The following PRDM1 variants were observed in gnomAD, a reference collection of about 807,000 sequenced individuals.
PRDM1 encodes PR domain zinc finger protein 1.
In PRDM1, 13 loss-of-function variants were observed where a neutral mutation model predicts 62.8. The observed-to-expected ratio is 0.21, with a 90% confidence interval of 0.13 to 0.33. The LOEUF (loss-of-function observed/expected upper bound fraction) is 0.33, where lower values mean the gene tolerates loss of function less well. Among genes scored for constraint, PRDM1 ranks in the 10% least tolerant of loss-of-function variants. The pLI is 1.00. For synonymous variants in PRDM1, 396 were observed against 417.6 expected (o/e 0.95, Z 0.63); for missense variants, 895 against 1,058.8 (o/e 0.85, Z 2.15).
upstream of PRDM1, among the ~76,000 whole-genome samples, chr6:106,046,990 T>G (rs985021506): frequency 2.0e-5 from 3 of 152,238 alleles, no homozygotes. Context: ...TCTTTATCAC[T>G]TCTTTACTGA....
intron 1 of PRDM1, among the ~76,000 whole-genome samples, chr6:105,998,921 ATATATATATATATTTTTTTTT>A (rs1562141240): frequency 7.2e-4 from 2 of 2,778 alleles, no homozygotes; most frequent in African/African-American, 2.0e-3. Context: ...ATATATATAT[ATATATATATATATTTTTTTTT>A]TTTTTTTTCT....
upstream of PRDM1, among the ~76,000 whole-genome samples, chr6:106,044,035 C>T (rs567606424): frequency 3.3e-5 from 5 of 152,248 alleles, no homozygotes; most frequent in African/African-American, 1.2e-4. Flanking sequence ...TGCCCTACCT[C>T]CTTAACCCCA....
intron 3 of PRDM1, 24 bp from the exon 4 acceptor site, chr6:106,099,276 A>G: frequency 6.2e-7 from 1 of 1,612,808 alleles, no homozygotes; most frequent in Non-Finnish European, 8.5e-7. Flanking sequence ...TTCCTTTTAC[A>G]TGCCTGTCTT....
intron 1 of PRDM1, among the ~76,000 whole-genome samples, chr6:106,040,254 A>G (rs1171433554): frequency 6.6e-6 from 1 of 152,226 alleles, no homozygotes; most frequent in African/African-American, 2.4e-5. Flanking sequence ...CTGATTTCCT[A>G]AGATGGCTGA....
chr6:106,034,806 A>G (rs528603895), intron 1 of PRDM1, among the ~76,000 whole-genome samples: 2 of 151,722 alleles, frequency 1.3e-5, no homozygotes, highest in East Asian at 1.9e-4. Flanking sequence ...TAGTTTTTGT[A>G]TTTTTAGTAG....
At chr6:106,092,186 C>T (rs559349643) in intron 2 of PRDM1, among the ~76,000 whole-genome samples, 6 of 150,122 alleles carry the variant, frequency 4.0e-5, no homozygotes, top group Admixed American at 1.3e-4. Context: ...TTCCATTAAG[C>T]GCTCCAACTC....
chr6:106,103,636 C>A (rs1774340323), intron 4 of PRDM1, among the ~76,000 whole-genome samples: 2 of 152,114 alleles, frequency 1.3e-5, no homozygotes, highest in Admixed American at 1.3e-4. Flanking sequence ...GGTGTTTTTT[C>A]CTGAAGGCAT....
In PRDM1 at chr6:106,060,752, T is replaced by G. The variant is rs545768628; in HGVS notation, c.-67+12038T>G. The stretch of plus-strand genomic sequence containing the variant: ...AGGAGGAGGTTAGAGACAGAGGCTT[T>G]GGAGGACATGTGCTTCATGGCATGA... On this transcript the variant is annotated intron_variant, in intron 1 of 6. Transcript: ENST00000651185. Among the ~76,000 whole-genome samples the G allele has an allele frequency of 4.2e-3, 646 of 152,116 alleles. 5 individuals are homozygous for G. Among genetic ancestry groups the G allele is most frequent in the Non-Finnish European group, 7.8e-3 (531 of 67,992 alleles).
rs1344140600 is a variant in PRDM1 at position 106,086,456 on chromosome 6, C to CGA, written c.-96_-95dup. 1.0e-5 allele frequency: 13 copies of CGA among 1,262,252 alleles called. No homozygotes were observed. Among genetic ancestry groups the CGA allele is most frequent in the Non-Finnish European group, 1.2e-5 (11 of 902,482 alleles). 78.2% of individuals were successfully genotyped at this position (1,262,252 alleles called of 1,614,324 possible). ...CGGGCGCCCGGGCGGCCGGACGAAG[C>CGA]GAGGAGGGACCGCCGAGGTGCGCGT... On this transcript the variant is annotated 5_prime_UTR_variant, in exon 1 of 7. Coordinates refer to ENST00000369096, the MANE Select transcript of PRDM1 (RefSeq NM_001198.4).
At chr6:106,032,486 A>G (rs1347863063) in intron 1 of PRDM1, among the ~76,000 whole-genome samples, 1 of 152,124 alleles carries the variant, frequency 6.6e-6, no homozygotes, top group African/African-American at 2.4e-5. Context: ...TCACCAGGCT[A>G]GAGTGCAGTG....
chr6:106,092,299 T>TGTAACTGA (rs1773987114), intron 2 of PRDM1, among the ~76,000 whole-genome samples: 1 of 152,202 alleles, frequency 6.6e-6, no homozygotes, highest in Non-Finnish European at 1.5e-5. Context: ...GGGTGTGTTC[T>TGTAACTGA]GTAACTGAGG....
intron 1 of PRDM1, among the ~76,000 whole-genome samples, chr6:106,063,775 T>G (rs996323497): frequency 1.3e-5 from 2 of 152,182 alleles, no homozygotes; most frequent in Non-Finnish European, 2.9e-5. Context: ...AAGAAGCTTT[T>G]GCAATGTTAT....
chr6:106,047,637 T>C (rs576591425), upstream of PRDM1, among the ~76,000 whole-genome samples: 1 of 152,336 alleles, frequency 6.6e-6, no homozygotes, highest in South Asian at 2.1e-4. Flanking sequence ...CTTATCACAT[T>C]TTGCTACCAT....
At chr6:106,102,808 GT>G (rs1469705034) in intron 4 of PRDM1, among the ~76,000 whole-genome samples, 22 of 152,182 alleles carry the variant, frequency 1.4e-4, no homozygotes, top group African/African-American at 5.3e-4. Context: ...TGAGGGTAAA[GT>G]TTTTTGTATT....
Position 106,108,658 on chromosome 6 carries a change from T to C in PRDM1, c.*1172T>C, listed in dbSNP as rs956946042. 5 of 233,544 alleles carry C rather than the reference T, an allele frequency of 2.1e-5. No individual in the cohort carries two copies. Among genetic ancestry groups the C allele is most frequent in the Non-Finnish European group, 3.4e-5 (4 of 117,980 alleles). The allele number at this position is 233,544 out of a possible 1,614,324, so 14.5% of individuals were successfully genotyped here. On this transcript the variant is annotated 3_prime_UTR_variant, in exon 7 of 7. Transcript: ENST00000369096. ...ACAAAAAACGGGTATTCTAGTCATC[T>C]TGGGGTAAAAGCGGGTAATGAACAT... is the stretch of plus-strand genomic sequence containing the variant.
In PRDM1 at chr6:106,106,608, T is replaced by C. The variant is rs1054496655; in HGVS notation, c.1902+109T>C. On this transcript the variant is annotated intron_variant, in intron 6 of 6. Coordinates refer to ENST00000369096, the MANE Select transcript of PRDM1 (RefSeq NM_001198.4). This position sits in a 1 kb window ranked among gnomAD's most constrained non-coding sequence, Gnocchi z 4.4. ...GTTAAAGCCAACACCAGATTCTGCG[T>C]TGTCCCATCCTGGACTGATGGCACT... The C allele has an allele frequency of 2.5e-5, 37 of 1,467,796 alleles. No homozygotes were observed. The highest frequency in any genetic ancestry group is 1.8e-4 in the Middle Eastern group (1 of 5,712). The allele number at this position is 1,467,796 out of a possible 1,614,324, so 90.9% of individuals were successfully genotyped here.
At chr6:106,016,804 T>G (rs1772627247) in intron 1 of PRDM1, among the ~76,000 whole-genome samples, 1 of 151,950 alleles carries the variant, frequency 6.6e-6, no homozygotes, top group Admixed American at 6.6e-5. Context: ...TGCGCCACCA[T>G]GCCCATGCCC....
At chr6:106,098,953 C>A in intron 3 of PRDM1, 1 of 1,537,766 alleles carries the variant, frequency 6.5e-7, no homozygotes, top group Non-Finnish European at 8.8e-7. Context: ...TAGCATCGCC[C>A]ATTTGCCATT....
chr6:106,100,643 C>A (rs528174088), intron 4 of PRDM1: 1 of 152,276 alleles, frequency 6.6e-6, no homozygotes, highest in South Asian at 2.1e-4. Flanking sequence ...CAAGTACTTA[C>A]CCTAGTCATA....
Sources: allele counts gnomAD v4.1 joint callset (sites outside exome capture counted in the v4.1 genomes callset), GRCh38; gene constraint gnomAD v4.1.1; non-coding constraint Gnocchi (gnomAD v3.1); transcripts MANE v1.5; gene names NCBI Gene and HGNC (gene_info 2026-07-23, HGNC 2026-07-21).